The following LRRC23 variants were observed in gnomAD, a reference collection of about 807,000 sequenced individuals.
LRRC23 encodes the protein leucine-rich repeat-containing protein 23.
Under a neutral mutation model 37.7 loss-of-function variants are expected in LRRC23, and 28 were observed. The ratio of observed to expected loss-of-function variants is 0.74; its 90% CI spans 0.55 to 1.02. The LOEUF (loss-of-function observed/expected upper bound fraction) is 1.02, where lower values mean the gene tolerates loss of function less well. Among genes scored for constraint, LRRC23 ranks in the 50% least tolerant of loss-of-function variants. The pLI is 0.00. For synonymous variants in LRRC23, 161 were observed against 165.4 expected, an observed-to-expected ratio of 0.97 and a Z score of 0.20; for missense variants, 377 against 413.2, an observed-to-expected ratio of 0.91 and a Z score of 0.76.
In LRRC23 at chr12:6,912,764, A is replaced by G. The variant is rs781945688; in HGVS notation, c.793A>G (p.Lys265Glu). The change falls in exon 7 of 8, where the codon AAG (lysine) becomes GAG (glutamate). Residue 265 changes from lysine (K) to glutamate (E), a missense_variant. Around this residue, in one of 3 missense-constraint regions of LRRC23, gnomAD observed 266 missense variants for 285.6 expected, o/e 0.93. Transcript: ENST00000443597. ...GGTGGCCAACCTGGGGGAGCTGGCC[A>G]AGCTTCGAGACCTGCCCAAGCTGCG... ...NMVANLGELA[K>E]LRDLPKLRAL... 6.2e-7 allele frequency: 1 copy of G among 1,614,102 alleles called. No homozygotes were observed. Among genetic ancestry groups the G allele is most frequent in the Non-Finnish European group, 8.5e-7 (1 of 1,180,022 alleles).
At chr12:6,911,536 A>G (rs1555140751) in intron 6 of LRRC23, among the ~76,000 whole-genome samples, 1 of 151,982 alleles carries the variant, frequency 6.6e-6, no homozygotes, top group African/African-American at 2.4e-5. Context: ...GGGTGTCTCA[A>G]TGATTGGCAG....
intron 4 of LRRC23, 135 bp from the exon 5 acceptor site, chr12:6,907,180 T>C: frequency 1.0e-6 from 1 of 1,004,386 alleles, no homozygotes; most frequent in Non-Finnish European, 1.5e-6. Flanking sequence ...CCAGAGGTAT[T>C]AAGTCTGGAG....
rs781921409 is a variant in LRRC23 at position 6,912,947 on chromosome 12, A to C, written c.976A>C (p.Lys326Gln). 2 of 1,613,956 alleles carry C rather than the reference A, an allele frequency of 1.2e-6. No homozygotes were observed. The highest frequency in any genetic ancestry group is 2.7e-5 in the African/African-American group (2 of 74,870). The part of the protein sequence containing the change: ...DVIRQRLKEE[K>Q]EQEPEPQRDL... ...GATTCGACAGAGGCTGAAGGAAGAA[A>C]AGGAGCAGGAGCCTGAGCCCCAGCG... is the stretch of plus-strand genomic sequence containing the variant. Residue 326 changes from lysine to glutamine, a missense_variant, in exon 7 of 8, where the codon AAG becomes CAG. By Grantham distance (53) the Lys-to-Gln change is moderately conservative. Around this residue, in one of 3 missense-constraint regions of LRRC23, gnomAD observed 266 missense variants for 285.6 expected, o/e 0.93. Coordinates refer to ENST00000443597, the MANE Select transcript of LRRC23 (RefSeq NM_001135217.2).
At position 6,906,415 on chromosome 12, in the gene LRRC23, G is replaced by A; in HGVS notation, c.243G>A (p.Leu81=). The A allele has an allele frequency of 6.2e-7, 1 of 1,613,716 alleles. No individual in the cohort carries two copies. Among genetic ancestry groups the A allele is most frequent in the Non-Finnish European group, 8.5e-7 (1 of 1,179,942 alleles). Reference sequence around the variant, plus strand: ...TCCCTCTTCCATCTCCTAGGGACCTGACAGACATCTACTTGCTGCGCTCCT... The same window carrying A: ...TCCCTCTTCCATCTCCTAGGGACCTAACAGACATCTACTTGCTGCGCTCCT... ...YVKLEVKERD[L]TDIYLLRSYI... The change falls in exon 4 of 8, where the codon CTG becomes CTA. Residue 81 remains leucine, a synonymous_variant. Transcript: ENST00000443597.
At chr12:6,906,063 T>A in intron 3 of LRRC23, 109 bp downstream of exon 3, 1 of 972,148 alleles carries the variant, frequency 1.0e-6, no homozygotes, top group Non-Finnish European at 1.6e-6. Flanking sequence ...TTCTCATGCC[T>A]AGTGGAAAGG....
At position 6,912,916 on chromosome 12, in the gene LRRC23, T is replaced by C. The variant is rs1555140960; in HGVS notation, c.945T>C (p.Ala315=). The change falls in exon 7 of 8, where the codon GCT becomes GCC. Residue 315 remains alanine (A), a synonymous_variant. Transcript: ENST00000443597. ...EFYEEEERAE[A]DVIRQRLKEE... The stretch of plus-strand genomic sequence containing the variant: ...ATGAGGAGGAGGAACGGGCTGAGGC[T>C]GATGTGATTCGACAGAGGCTGAAGG... The C allele has an allele frequency of 6.2e-7, 1 of 1,614,004 alleles. No homozygotes were observed. The highest frequency in any genetic ancestry group is 2.2e-5 in the East Asian group (1 of 44,880).
chr12:6,910,149 C>T (rs1349270080), intron 6 of LRRC23, 123 bp downstream of exon 6: 18 of 941,920 alleles, frequency 1.9e-5, no homozygotes, highest in African/African-American at 1.2e-4. Flanking sequence ...AAGGAAAGCC[C>T]GGCTTTCCTT....
chr12:6,906,924 G>A (rs540630673), intron 4 of LRRC23, among the ~76,000 whole-genome samples: 4 of 152,162 alleles, frequency 2.6e-5, no homozygotes, highest in South Asian at 2.1e-4. Context: ...GTACATTCAT[G>A]TAGCATGTTA....
chr12:6,908,717 G>A (rs1218993768), intron 5 of LRRC23, among the ~76,000 whole-genome samples: 3 of 150,464 alleles, frequency 2.0e-5, no homozygotes, highest in Non-Finnish European at 3.0e-5. Context: ...CCAGCTACTC[G>A]GGAGGCTGAG....
chr12:6,905,752 C>T lies in LRRC23; in HGVS notation c.119C>T (p.Pro40Leu), dbSNP rs782146095. The T allele has an allele frequency of 6.2e-6, 10 of 1,612,650 alleles. No homozygotes were observed. Among genetic ancestry groups the T allele is most frequent in the South Asian group, 2.2e-5 (2 of 91,034 alleles). Reference sequence around the variant, plus strand: ...TACAGAAAAGAGGGGGAAGAGTTCCCTGAGGAAGTGAGAGCCTGGACAAGG... The same window carrying T: ...TACAGAAAAGAGGGGGAAGAGTTCCTTGAGGAAGTGAGAGCCTGGACAAGG... ...EDYRKEGEEF[P>L]EEWLPTPLTE... The change falls in exon 2 of 8, where the codon CCT becomes CTT. Residue 40 changes from proline to leucine, a missense_variant. Transcript: ENST00000443597.
chr12:6,906,003 A>G (rs782242716), intron 3 of LRRC23, 49 bp downstream of exon 3: 3 of 1,470,300 alleles, frequency 2.0e-6, no homozygotes, highest in Non-Finnish European at 2.8e-6. Flanking sequence ...TAGGGCCCCT[A>G]TCTCCTTTCC....
Position 6,912,958 on chromosome 12 carries a change from G to T in LRRC23, c.987G>T (p.Glu329Asp). The T allele has an allele frequency of 1.9e-6, 3 of 1,614,150 alleles. No individual in the cohort carries two copies. The highest frequency in any genetic ancestry group is 2.5e-6 in the Non-Finnish European group (3 of 1,180,032). ...RQRLKEEKEQ[E>D]PEPQRDLEPE... ...GGCTGAAGGAAGAAAAGGAGCAGGAGCCTGAGCCCCAGCGTGACCTGGAAC... is the reference window on the plus strand; with the variant it reads ...GGCTGAAGGAAGAAAAGGAGCAGGATCCTGAGCCCCAGCGTGACCTGGAAC... The change falls in exon 7 of 8, where the codon GAG becomes GAT. Residue 329 changes from glutamate to aspartate, a missense_variant. Glu to Asp is a conservative substitution (Grantham distance 45). Coordinates refer to ENST00000443597, the MANE Select transcript of LRRC23 (RefSeq NM_001135217.2).
rs1555139805 is a variant in LRRC23, at chr12:6,907,440, T to C, written c.616T>C (p.Tyr206His). The change falls in exon 5 of 8, where the codon TAC (tyrosine) becomes CAC (histidine). Residue 206 changes from tyrosine to histidine, a missense_variant. Tyr to His is a moderately conservative substitution (Grantham distance 83). This residue lies in a region of LRRC23 where 266 missense variants were observed against 285.6 expected (regional missense o/e 0.93). Coordinates refer to ENST00000443597, the MANE Select transcript of LRRC23 (RefSeq NM_001135217.2). ...GINLPKLKNL[Y>H]LAQNMLKKVE... ...CAATCTTCCTAAGCTGAAGAACCTC[T>C]ACCTGGTAGCTCACTGGGTCAGAGG... The C allele has an allele frequency of 1.2e-6, 2 of 1,614,022 alleles. No individual in the cohort carries two copies. Among genetic ancestry groups the C allele is most frequent in the East Asian group, 2.2e-5 (1 of 44,872 alleles).
At chr12:6,906,925 T>G (rs989689657) in intron 4 of LRRC23, among the ~76,000 whole-genome samples, 2 of 152,146 alleles carry the variant, frequency 1.3e-5, no homozygotes, top group Admixed American at 6.6e-5. Context: ...TACATTCATG[T>G]AGCATGTTAA....
At chr12:6,912,383 C>T (rs1945180401) in intron 6 of LRRC23, among the ~76,000 whole-genome samples, 1 of 152,158 alleles carries the variant, frequency 6.6e-6, no homozygotes, top group African/African-American at 2.4e-5. Flanking sequence ...ACCTTCTACC[C>T]TCCATTTAGG....
chr12:6,913,083 G>C, intron 7 of LRRC23, 56 bp downstream of exon 7: 2 of 1,548,976 alleles, frequency 1.3e-6, no homozygotes, highest in Non-Finnish European at 1.8e-6. Context: ...GCAGGTAGGG[G>C]AAGAGGCAAG....
At chr12:6,907,691 A>T (rs1944983124) in intron 5 of LRRC23, 3 of 601,148 alleles carry the variant, frequency 5.0e-6, no homozygotes, top group Non-Finnish European at 8.9e-6. Context: ...AATGGACCAT[A>T]ATTGAGGTAC....
At chr12:6,911,547 G>A (rs1945161308) in intron 6 of LRRC23, among the ~76,000 whole-genome samples, 1 of 152,000 alleles carries the variant, frequency 6.6e-6, no homozygotes. Context: ...TGATTGGCAG[G>A]TGCCTCTGGG....
At chr12:6,911,032 G>A (rs1448182192) in intron 6 of LRRC23, among the ~76,000 whole-genome samples, 3 of 151,840 alleles carry the variant, frequency 2.0e-5, no homozygotes, top group Non-Finnish European at 2.9e-5. Context: ...CCATTTCCTC[G>A]GTCCCAATTC....
Sources: gnomAD v4.1 joint callset for allele counts (sites outside exome capture counted in the v4.1 genomes callset) on GRCh38, gnomAD v4.1.1 for gene constraint, gnomAD v4.1.1 regional missense constraint, MANE v1.5 for transcripts, NCBI Gene and HGNC (gene_info 2026-07-23, HGNC 2026-07-21) for gene names.